Variants in TGM3 observed in about 807,000 individuals in gnomAD.
The protein encoded by TGM3 is protein-glutamine gamma-glutamyltransferase E.
Under a neutral mutation model 73.8 loss-of-function variants are expected in TGM3, and 52 were observed. That is an observed-to-expected ratio of 0.70 (90% CI 0.56 to 0.89). The LOEUF is 0.89. Among genes scored for constraint, TGM3 ranks in the 40% least tolerant of loss-of-function variants. The probability of loss-of-function intolerance (pLI) is 0.00; values close to 1 mark genes in which losing one functional copy is unlikely to be tolerated. For missense variants in TGM3, 928 were observed against 909.9 expected (o/e 1.02, Z -0.26); for synonymous variants, 372 against 354.9 (o/e 1.05, Z -0.54).
intron 1 of TGM3, among the ~76,000 whole-genome samples, 153 bp downstream of exon 1, chr20:2,296,223 G>A (rs375129146): frequency 3.3e-5 from 5 of 152,330 alleles, no homozygotes; most frequent in South Asian, 2.1e-4. Flanking sequence ...AGCCAGAGGC[G>A]GCTCTTTCTC....
intron 1 of TGM3, among the ~76,000 whole-genome samples, chr20:2,301,053 T>C (rs1046945999): frequency 1.3e-5 from 2 of 152,050 alleles, no homozygotes; most frequent in African/African-American, 4.8e-5. Flanking sequence ...AATCTGGGGC[T>C]CATTTCTCTT....
chr20:2,340,516 G>A lies in TGM3; in HGVS notation c.2017G>A (p.Ala673Thr), dbSNP rs535186868. Residue 673 changes from alanine (A) to threonine (T), a missense_variant, in exon 13 of 13, where the codon GCC becomes ACC. By Grantham distance (58) the Ala-to-Thr change is moderately conservative. Transcript: ENST00000381458. Reference sequence around the variant, plus strand: ...CCGGAGTGGCACCAAGCAACTGCTCGCCGACTTCTCCTGCAACAAGTTCCC... The same window carrying A: ...CCGGAGTGGCACCAAGCAACTGCTCACCGACTTCTCCTGCAACAAGTTCCC... The part of the protein sequence containing the change: ...PSRSGTKQLL[A>T]DFSCNKFPAI... 267 of 1,614,146 alleles carry A rather than the reference G, an allele frequency of 1.7e-4. 4 individuals are homozygous for A. In the South Asian group the frequency reaches 2.6e-3, roughly 16 times the overall value.
intron 3 of TGM3, 120 bp from the exon 4 acceptor site, chr20:2,310,891 G>C: frequency 2.5e-6 from 2 of 810,300 alleles, no homozygotes; most frequent in South Asian, 3.0e-5. Flanking sequence ...GTCAGGGGAG[G>C]GCTAAAGGTG....
intron 7 of TGM3, among the ~76,000 whole-genome samples, chr20:2,325,552 C>T (rs1239005264): frequency 6.6e-6 from 1 of 152,224 alleles, no homozygotes; most frequent in African/African-American, 2.4e-5. Flanking sequence ...AAGGCTTTGA[C>T]TTTTGAGTTA....
intron 1 of TGM3, among the ~76,000 whole-genome samples, chr20:2,306,832 T>G (rs6048041): frequency 0.11 from 16,214 of 152,212 alleles, 2,877 homozygotes; most frequent in African/African-American, 0.37. Context: ...CTGGCTGGGA[T>G]GCACAGAAAG....
Position 2,298,669 on chromosome 20 carries a change from G to A in TGM3, c.7+2599G>A, listed in dbSNP as rs573096246. Among the ~76,000 whole-genome samples, 7 of 152,322 alleles carry A rather than the reference G, an allele frequency of 4.6e-5. No individual in the cohort carries two copies. The South Asian group carries it at 1.5e-3, about 32-fold the overall frequency. ...ACCAAACCGTTCTCCTTGGAGCTGG[G>A]ACACCAGTCGCCCCTCCTCCCATGG... On this transcript the variant is annotated intron_variant, in intron 1 of 12. Transcript: ENST00000381458.
chr20:2,296,188 GC>G, intron 1 of TGM3, 118 bp downstream of exon 1: 1 of 1,282,222 alleles, frequency 7.8e-7, no homozygotes, highest in Non-Finnish European at 1.1e-6. Flanking sequence ...GGCTCTGAAG[GC>G]CAGACTTCCT....
rs936282456 is a variant in TGM3, at chr20:2,335,634, T to C, written c.1800+361T>C. On this transcript the variant is annotated intron_variant, in intron 11 of 12. Coordinates refer to ENST00000381458, the MANE Select transcript of TGM3 (RefSeq NM_003245.4). The stretch of plus-strand genomic sequence containing the variant: ...TGAGCATTTGCTGTGTTCTGGGCCA[T>C]GCCAGGCTTGAGATCTGCTGTGTTC... Among the ~76,000 whole-genome samples the C allele has an allele frequency of 3.9e-5, 6 of 152,046 alleles. No homozygotes were observed. In the South Asian group the frequency reaches 6.3e-4, roughly 16 times the overall value.
At chr20:2,331,130 G>A (rs778311739) in intron 9 of TGM3, among the ~76,000 whole-genome samples, 27 of 151,934 alleles carry the variant, frequency 1.8e-4, no homozygotes, top group Non-Finnish European at 1.5e-4. Context: ...GTCTGCAGAC[G>A]TCAACATGGT....
chr20:2,305,155 A>T (rs2084170475), intron 1 of TGM3, among the ~76,000 whole-genome samples: 1 of 152,136 alleles, frequency 6.6e-6, no homozygotes, highest in Admixed American at 6.5e-5. Context: ...GGCATGATTC[A>T]TTAAGTCATC....
chr20:2,310,031 C>A, intron 2 of TGM3, 147 bp from the exon 3 acceptor site: 3 of 1,384,942 alleles, frequency 2.2e-6, no homozygotes, highest in Non-Finnish European at 3.0e-6. Context: ...AGGGATCTGG[C>A]CTGTATGTTT....
chr20:2,319,225 T>C (rs760985431), intron 7 of TGM3, among the ~76,000 whole-genome samples: 1 of 152,188 alleles, frequency 6.6e-6, no homozygotes, highest in Non-Finnish European at 1.5e-5. Flanking sequence ...AAGGAGATGG[T>C]TGGTGAGACA....
chr20:2,332,290 T>C lies in TGM3; in HGVS notation c.1622T>C (p.Met541Thr). The C allele has an allele frequency of 6.2e-7, 1 of 1,607,122 alleles. No homozygotes were observed. Among genetic ancestry groups the C allele is most frequent in the Non-Finnish European group, 8.5e-7 (1 of 1,175,930 alleles). ...VHEVWKDSAT[M>T]SLDPEEEAEH... is the part of the protein sequence containing the mutation. ...GAAGTGTGGAAGGACTCTGCCACAA[T>C]GTCCCTGGACCCTGAGGAAGGTAAC... Residue 541 changes from methionine (M) to threonine (T), a missense_variant, in exon 10 of 13, where the codon ATG (methionine) becomes ACG (threonine). Coordinates refer to ENST00000381458, the MANE Select transcript of TGM3 (RefSeq NM_003245.4). This position sits in a 1 kb window ranked among gnomAD's most constrained non-coding sequence, Gnocchi z 4.4.
At chr20:2,306,055 T>C (rs1021312098) in intron 1 of TGM3, among the ~76,000 whole-genome samples, 7 of 152,194 alleles carry the variant, frequency 4.6e-5, no homozygotes, top group Non-Finnish European at 8.8e-5. Context: ...TTTTTCTTTT[T>C]CATCCTCTCT....
At chr20:2,312,527 T>C (rs1243608307) in intron 4 of TGM3, among the ~76,000 whole-genome samples, 1 of 152,078 alleles carries the variant, frequency 6.6e-6, no homozygotes, top group East Asian at 1.9e-4. Context: ...TTGAGGTTTG[T>C]GGCAGCCGGG....
intron 1 of TGM3, among the ~76,000 whole-genome samples, chr20:2,303,442 G>A (rs1009660525): frequency 6.6e-6 from 1 of 152,094 alleles, no homozygotes; most frequent in Admixed American, 6.6e-5. Context: ...ATTCTTTGAG[G>A]AGTGATGAAA....
chr20:2,331,967 T>C, intron 9 of TGM3, 35 bp from the exon 10 acceptor site: 1 of 1,568,126 alleles, frequency 6.4e-7, no homozygotes, highest in Non-Finnish European at 8.6e-7. Flanking sequence ...TGCCATCACA[T>C]CCCTGGCATG....
At chr20:2,321,665 A>G (rs2084263570) in intron 7 of TGM3, among the ~76,000 whole-genome samples, 1 of 152,180 alleles carries the variant, frequency 6.6e-6, no homozygotes, top group Admixed American at 6.5e-5. Flanking sequence ...GATAGTTCTG[A>G]TGCCCGCAGC....
chr20:2,333,717 C>A (rs775053175), intron 10 of TGM3, among the ~76,000 whole-genome samples: 5 of 150,914 alleles, frequency 3.3e-5, no homozygotes, highest in Non-Finnish European at 5.9e-5. Context: ...TTTTGGAAAT[C>A]AAAAAAAATT....
Sources: gnomAD v4.1 joint callset for allele counts (sites outside exome capture counted in the v4.1 genomes callset) on GRCh38, gnomAD v4.1.1 for gene constraint, Gnocchi (gnomAD v3.1) non-coding constraint, MANE v1.5 for transcripts, NCBI Gene and HGNC (gene_info 2026-07-23, HGNC 2026-07-21) for gene names.